Variants in SHANK2 observed in about 807,000 individuals in gnomAD.
SHANK2 encodes the protein SH3 and multiple ankyrin repeat domains 2.
Under a neutral mutation model 133.7 loss-of-function variants are expected in SHANK2, and 43 were observed. The ratio of observed to expected loss-of-function variants is 0.32; its 90% CI spans 0.25 to 0.41. The LOEUF is 0.41. Ranked by LOEUF, SHANK2 falls within the 10% of genes least tolerant of loss-of-function variation. The probability of loss-of-function intolerance (pLI) is 1.00; values close to 1 mark genes in which losing one functional copy is unlikely to be tolerated. For missense variants in SHANK2, 1,994 were observed against 2,235.8 expected (o/e 0.89, Z 2.18); for synonymous variants, 1,017 against 952.8 (o/e 1.07, Z -1.24).
At chr11:70,506,709 G>T (rs1009743952) in intron 17 of SHANK2, among the ~76,000 whole-genome samples, 2 of 152,164 alleles carry the variant, frequency 1.3e-5, no homozygotes, top group Admixed American at 6.5e-5. Context: ...GATGGTATCC[G>T]GTGAGCCCTG....
At chr11:70,565,426 G>A (rs2059956707) in intron 17 of SHANK2, among the ~76,000 whole-genome samples, 1 of 152,074 alleles carries the variant, frequency 6.6e-6, no homozygotes, top group Admixed American at 6.5e-5. Context: ...TTGTATTTTT[G>A]TAGTAGAGAT....
At position 70,592,466 on chromosome 11, in the gene SHANK2, GCAGCACACACCCAGCTCTGCATCC is replaced by G. The variant is rs530882120; in HGVS notation, c.2061+67338_2061+67361del. Reference sequence around the variant, plus strand: ...TCTGATGCAGCCAACACAGACTCAAGCAGCACACACCCAGCTCTGCATCCCAGCACACCCCCTCCAGCCACGGCC... The same window carrying G: ...TCTGATGCAGCCAACACAGACTCAAGCAGCACACCCCCTCCAGCCACGGCC... On this transcript the variant is annotated intron_variant, in intron 17 of 25. Transcript: ENST00000601538. 9.9e-3 allele frequency among the ~76,000 whole-genome samples: 1,504 copies of G among 152,232 alleles called. 17 individuals carry two copies. The highest frequency in any genetic ancestry group is 0.017 in the Non-Finnish European group (1,127 of 67,998).
chr11:71,066,433 T>C (rs1951065156), intron 9 of SHANK2, among the ~76,000 whole-genome samples: 1 of 151,926 alleles, frequency 6.6e-6, no homozygotes, highest in Non-Finnish European at 1.5e-5. Flanking sequence ...AAGGAACTTC[T>C]GGAGACAGAA....
At chr11:70,668,686 C>A (rs1480803150) in intron 15 of SHANK2, 2 of 152,456 alleles carry the variant, frequency 1.3e-5, no homozygotes, top group East Asian at 3.9e-4. Context: ...CATACGGGCA[C>A]CTGGAAGACT....
intron 2 of SHANK2, among the ~76,000 whole-genome samples, chr11:71,197,887 A>C (rs1231464869): frequency 6.6e-6 from 1 of 152,192 alleles, no homozygotes; most frequent in East Asian, 1.9e-4. Context: ...AAGGGCATTT[A>C]AAGCAAAGAG....
intron 11 of SHANK2, among the ~76,000 whole-genome samples, chr11:70,854,752 C>A (rs996999428): frequency 6.6e-6 from 1 of 152,200 alleles, no homozygotes; most frequent in African/African-American, 2.4e-5. Flanking sequence ...GGGAGAAACA[C>A]CCACAGCTGG....
intron 10 of SHANK2, among the ~76,000 whole-genome samples, chr11:70,908,975 C>T (rs1308010111): frequency 6.6e-6 from 1 of 152,170 alleles, no homozygotes; most frequent in East Asian, 1.9e-4. Context: ...GCAGTATTAT[C>T]CTCTGTCCTG....
Position 70,500,802 on chromosome 11 carries a change from T to A in SHANK2, c.2288-212A>T, listed in dbSNP as rs782619056. 1 of 730,192 alleles carries A rather than the reference T, an allele frequency of 1.4e-6. No homozygotes were observed. The highest frequency in any genetic ancestry group is 1.7e-5 in the African/African-American group (1 of 57,432). 45.2% of individuals were successfully genotyped at this position (730,192 alleles called of 1,614,324 possible). A position where few individuals can be genotyped will look rare whatever the true frequency, so the allele number is the denominator to read the frequency against. Reference sequence around the variant, plus strand: ...CTTGGCTGCCCGCACAACTCTGTCCTGTCTGCCCTGCTCGTTAACCTACTG... The same window carrying A: ...CTTGGCTGCCCGCACAACTCTGTCCAGTCTGCCCTGCTCGTTAACCTACTG... On this transcript the variant is annotated intron_variant, in intron 20 of 25. Coordinates refer to ENST00000601538, the MANE Select transcript of SHANK2 (RefSeq NM_012309.5). The surrounding 1 kb of genome is among the most constrained non-coding windows in gnomAD (Gnocchi z 4.5).
intron 10 of SHANK2, among the ~76,000 whole-genome samples, chr11:70,918,408 C>T (rs1950299598): frequency 6.6e-6 from 1 of 152,222 alleles, no homozygotes; most frequent in East Asian, 1.9e-4. Context: ...CTTGTAGTTT[C>T]ATCATCCATG....
chr11:71,129,409 G>A (rs1360685995), intron 3 of SHANK2, among the ~76,000 whole-genome samples: 1 of 152,184 alleles, frequency 6.6e-6, no homozygotes, highest in African/African-American at 2.4e-5. Flanking sequence ...TCTTAGTACA[G>A]TTCATGGTCA....
At chr11:71,181,826 C>A (rs1033830347) in intron 2 of SHANK2, among the ~76,000 whole-genome samples, 1 of 152,052 alleles carries the variant, frequency 6.6e-6, no homozygotes, top group Non-Finnish European at 1.5e-5. Context: ...TCCCAGCCCC[C>A]CCTCCCCCGC....
intron 14 of SHANK2, among the ~76,000 whole-genome samples, chr11:70,779,844 C>G (rs1424373254): frequency 1.3e-5 from 2 of 152,232 alleles, no homozygotes; most frequent in Non-Finnish European, 2.9e-5. Flanking sequence ...GCCATCTTCC[C>G]TACACCCCTG....
intron 14 of SHANK2, among the ~76,000 whole-genome samples, chr11:70,701,724 G>A (rs1194370402): frequency 1.3e-5 from 2 of 152,108 alleles, no homozygotes; most frequent in Non-Finnish European, 2.9e-5. Context: ...GCCTTTAAAA[G>A]GACATTATCT....
chr11:70,845,558 G>A (rs1484883730), intron 11 of SHANK2, among the ~76,000 whole-genome samples: 1 of 152,120 alleles, frequency 6.6e-6, no homozygotes, highest in Non-Finnish European at 1.5e-5. Flanking sequence ...GGTGTTGGAA[G>A]AAATGGGTGG....
chr11:70,770,843 T>C (rs1249419300), intron 14 of SHANK2, among the ~76,000 whole-genome samples: 3 of 151,514 alleles, frequency 2.0e-5, no homozygotes, highest in African/African-American at 7.3e-5. Context: ...ACAGTTAATC[T>C]GTGCACAGAT....
intron 1 of SHANK2, among the ~76,000 whole-genome samples, chr11:71,235,036 G>T (rs1328075185): frequency 3.7e-4 from 56 of 152,120 alleles, no homozygotes; most frequent in Non-Finnish European, 1.5e-5. Context: ...GCTACAACAC[G>T]AATCATCCTC....
At chr11:70,607,778 C>T (rs1352309161) in intron 17 of SHANK2, among the ~76,000 whole-genome samples, 2 of 152,244 alleles carry the variant, frequency 1.3e-5, no homozygotes, top group South Asian at 2.1e-4. Context: ...AGCAGCACCG[C>T]CTAATGCCAG....
At chr11:70,950,449 C>G (rs556796359) in intron 10 of SHANK2, among the ~76,000 whole-genome samples, 1 of 152,188 alleles carries the variant, frequency 6.6e-6, no homozygotes, top group African/African-American at 2.4e-5. Context: ...CTTCAGCCCC[C>G]CAAAGTGCTG....
chr11:71,144,550 G>GA (rs1483002038), intron 3 of SHANK2, among the ~76,000 whole-genome samples: 25 of 151,800 alleles, frequency 1.6e-4, no homozygotes, highest in African/African-American at 5.6e-4. Context: ...TGAGAAGAGA[G>GA]AAAAAAAATA....
Sources: gnomAD v4.1 joint callset for allele counts (sites outside exome capture counted in the v4.1 genomes callset) on GRCh38, gnomAD v4.1.1 for gene constraint, Gnocchi (gnomAD v3.1) non-coding constraint, MANE v1.5 for transcripts, NCBI Gene and HGNC (gene_info 2026-07-23, HGNC 2026-07-21) for gene names.